CMIP: variants seen among roughly 807,000 people sequenced by gnomAD.
CMIP encodes the protein C-Maf-inducing protein.
Under a neutral mutation model 97.3 loss-of-function variants are expected in CMIP, and 13 were observed. The ratio of observed to expected loss-of-function variants is 0.13; its 90% CI spans 0.09 to 0.21. The LOEUF is 0.21. CMIP is among the 10% of genes least tolerant of loss of function. The pLI is 1.00. For synonymous variants in CMIP, 538 were observed against 436.3 expected (o/e 1.23, Z -2.91); for missense variants, 847 against 1,024.9 (o/e 0.83, Z 2.37).
intron 1 of CMIP, among the ~76,000 whole-genome samples, chr16:81,513,801 A>G (rs1340322342): frequency 6.6e-6 from 1 of 152,192 alleles, no homozygotes; most frequent in Non-Finnish European, 1.5e-5. Flanking sequence ...GTGAATATTT[A>G]AGATTCCAGC....
intron 10 of CMIP, among the ~76,000 whole-genome samples, chr16:81,682,829 G>A (rs1030501287): frequency 6.6e-6 from 1 of 152,204 alleles, no homozygotes; most frequent in Non-Finnish European, 1.5e-5. Flanking sequence ...AGTAACCTAA[G>A]TTGCAAAAAT....
At chr16:81,672,501 G>C (rs1046707711) in intron 9 of CMIP, among the ~76,000 whole-genome samples, 24 of 152,296 alleles carry the variant, frequency 1.6e-4, no homozygotes, top group African/African-American at 5.5e-4. Context: ...TGGGGACAAG[G>C]GTTGACAGTA....
chr16:81,598,207 G>A (rs1397584863), intron 1 of CMIP, among the ~76,000 whole-genome samples: 1 of 152,120 alleles, frequency 6.6e-6, no homozygotes, highest in Non-Finnish European at 1.5e-5. Flanking sequence ...TGACCAACAG[G>A]AGGGTATCGC....
chr16:81,654,434 C>G (rs1049684503), intron 4 of CMIP, among the ~76,000 whole-genome samples: 25 of 152,132 alleles, frequency 1.6e-4, no homozygotes, highest in African/African-American at 6.0e-4. Flanking sequence ...GCAGCTGACC[C>G]TTAAGTGCTA....
chr16:81,703,962 G>C lies in CMIP; in HGVS notation c.1968G>C (p.Leu656=), dbSNP rs370169256. ...AGGACGCTGACTTGGCTCGTTTGCT[G>C]AGCTCCGGCTCCTTCGGAAACCTGG... is the stretch of plus-strand genomic sequence containing the variant. ...KSTDADLARL[L]SSGSFGNLEN... is the part of the protein sequence containing the mutation. Residue 656 remains leucine (L), a synonymous_variant, in exon 18 of 21, where the codon CTG becomes CTC. Coordinates refer to ENST00000537098, the MANE Select transcript of CMIP (RefSeq NM_198390.3). The C allele has an allele frequency of 8.5e-5, 135 of 1,596,156 alleles. No homozygotes were observed. The highest frequency in any genetic ancestry group is 1.2e-4 in the Non-Finnish European group (135 of 1,173,146).
chr16:81,705,528 G>C lies in CMIP; in HGVS notation c.2121G>C (p.Ser707=). The change falls in exon 19 of 21, where the codon TCG becomes TCC. Residue 707 remains serine, a synonymous_variant. Transcript: ENST00000537098. The stretch of plus-strand genomic sequence containing the variant: ...GAGACGCTGGCCTTCGGCTCCTGTC[G>C]GAACACCTCACCATGCTCCAGGTGC... ...QFGDAGLRLL[S]EHLTMLQVLN... 1 of 1,608,258 alleles carries C rather than the reference G, an allele frequency of 6.2e-7. No individual in the cohort carries two copies. The highest frequency in any genetic ancestry group is 8.5e-7 in the Non-Finnish European group (1 of 1,178,024).
In CMIP at chr16:81,658,013, A is replaced by T. The variant is rs181276176; in HGVS notation, c.681+197A>T. Among the ~76,000 whole-genome samples, 1,239 of 152,172 alleles carry T rather than the reference A, an allele frequency of 8.1e-3. 15 individuals are homozygous for T. Among genetic ancestry groups the T allele is most frequent in the African/African-American group, 0.027 (1,123 of 41,496 alleles). On this transcript the variant is annotated intron_variant, in intron 5 of 20. Coordinates refer to ENST00000537098, the MANE Select transcript of CMIP (RefSeq NM_198390.3). ...CAGAGCCCCAGTTGATAGGAGCGGG[A>T]GTGTAATTGTCTGTCTTTGAGGTTT...
intron 1 of CMIP, among the ~76,000 whole-genome samples, chr16:81,580,624 C>A (rs543839129): frequency 5.4e-4 from 82 of 152,082 alleles, no homozygotes; most frequent in African/African-American, 1.9e-3. Flanking sequence ...TTAGTAGAGA[C>A]AGGGTTTTGC....
At chr16:81,472,875 C>A (rs529520643) in intron 1 of CMIP, among the ~76,000 whole-genome samples, 78 of 152,306 alleles carry the variant, frequency 5.1e-4, no homozygotes, top group African/African-American at 1.8e-3. Context: ...AGCCTGCGCC[C>A]AGTACTTTGT....
intron 1 of CMIP, among the ~76,000 whole-genome samples, chr16:81,471,355 T>C (rs544013485): frequency 1.2e-4 from 19 of 152,240 alleles, no homozygotes; most frequent in Admixed American, 4.6e-4. Flanking sequence ...GGTGCACACA[T>C]ATGTATACAT....
intron 9 of CMIP, among the ~76,000 whole-genome samples, chr16:81,676,957 C>G (rs965446791): frequency 1.3e-4 from 20 of 152,308 alleles, no homozygotes; most frequent in Admixed American, 8.5e-4. Flanking sequence ...TCAATCGTGC[C>G]GTTGTGCTCG....
chr16:81,446,091 C>T (rs187565587), intron 1 of CMIP, among the ~76,000 whole-genome samples: 42 of 152,096 alleles, frequency 2.8e-4, no homozygotes, highest in Admixed American at 9.2e-4. Context: ...GCAGGCAGAA[C>T]GGGGTGCTTC....
At chr16:81,600,409 C>A (rs1054051476) in intron 1 of CMIP, among the ~76,000 whole-genome samples, 32 of 152,088 alleles carry the variant, frequency 2.1e-4, no homozygotes, top group African/African-American at 7.7e-4. Context: ...TGTCAGTCAG[C>A]CATGAAAGGA....
rs145358872 is a variant in CMIP, at chr16:81,490,349, G to A, written c.300+44808G>A. Among the ~76,000 whole-genome samples the A allele has an allele frequency of 9.7e-4, 148 of 152,334 alleles. 1 individual carries two copies. The highest frequency in any genetic ancestry group is 3.4e-3 in the Middle Eastern group (1 of 294). ...AAATGCTTAGCATGGATCGGGCGTG[G>A]TGGCTCATGCCTGTAATCCCAGCAC... On this transcript the variant is annotated intron_variant, in intron 1 of 20. Coordinates refer to ENST00000537098, the MANE Select transcript of CMIP (RefSeq NM_198390.3).
intron 1 of CMIP, among the ~76,000 whole-genome samples, chr16:81,590,178 C>A (rs941476909): frequency 6.6e-6 from 1 of 152,216 alleles, no homozygotes; most frequent in Non-Finnish European, 1.5e-5. Context: ...GACCACGCCC[C>A]TCTGAGCCTC....
At position 81,608,443 on chromosome 16, in the gene CMIP, C is replaced by A. The variant is rs74448545; in HGVS notation, c.426+751C>A. Among the ~76,000 whole-genome samples, 1,251 of 152,196 alleles carry A rather than the reference C, an allele frequency of 8.2e-3. 14 individuals carry two copies. Among genetic ancestry groups the A allele is most frequent in the African/African-American group, 0.027 (1,137 of 41,518 alleles). Reference sequence around the variant, plus strand: ...GTAGGAAAGATGACCCACCTGCAGCCCAAAGCCACATCCTTAGAGGCTGTA... The same window carrying A: ...GTAGGAAAGATGACCCACCTGCAGCACAAAGCCACATCCTTAGAGGCTGTA... On this transcript the variant is annotated intron_variant, in intron 2 of 20. Coordinates refer to ENST00000537098, the MANE Select transcript of CMIP (RefSeq NM_198390.3).
chr16:81,699,896 G>C (rs1907199379), intron 15 of CMIP, 95 bp downstream of exon 15: 4 of 803,284 alleles, frequency 5.0e-6, no homozygotes, highest in African/African-American at 3.4e-5. Context: ...AGCTGCTGCA[G>C]GCACGGGGGG....
chr16:81,535,293 A>G (rs1301005991), intron 1 of CMIP, among the ~76,000 whole-genome samples: 4 of 152,136 alleles, frequency 2.6e-5, no homozygotes, highest in African/African-American at 4.8e-5. Context: ...AGATGAAGGA[A>G]CTGAGGCACC....
At chr16:81,662,987 A>G (rs571314091) in intron 6 of CMIP, among the ~76,000 whole-genome samples, 1 of 152,320 alleles carries the variant, frequency 6.6e-6, no homozygotes, top group African/African-American at 2.4e-5. Context: ...ATATTAAATA[A>G]GGACCCTGTC....
Sources: gnomAD v4.1 joint callset for allele counts (sites outside exome capture counted in the v4.1 genomes callset) on GRCh38, gnomAD v4.1.1 for gene constraint, MANE v1.5 for transcripts, NCBI Gene and HGNC (gene_info 2026-07-23, HGNC 2026-07-21) for gene names.